GRID1: variants seen among roughly 807,000 people sequenced by gnomAD.
The protein encoded by GRID1 is glutamate receptor ionotropic, delta-1.
In GRID1, 28 loss-of-function variants were observed where a neutral mutation model predicts 98.0. That is an observed-to-expected ratio of 0.29 (90% CI 0.21 to 0.39). The LOEUF is 0.39. Ranked by LOEUF, GRID1 falls within the 10% of genes least tolerant of loss-of-function variation. GRID1 has a pLI of 1.00. For synonymous variants in GRID1, 553 were observed against 538.5 expected (o/e 1.03, Z -0.37); for missense variants, 1,111 against 1,340.5 (o/e 0.83, Z 2.67).
chr10:85,976,468 G>A (rs1481426282), intron 4 of GRID1, among the ~76,000 whole-genome samples: 1 of 152,232 alleles, frequency 6.6e-6, no homozygotes, highest in Non-Finnish European at 1.5e-5. Flanking sequence ...TCCAGAGGAT[G>A]GCACCTCCTT....
At chr10:85,912,143 T>C (rs1841548065) in intron 5 of GRID1, among the ~76,000 whole-genome samples, 1 of 152,256 alleles carries the variant, frequency 6.6e-6, no homozygotes, top group Non-Finnish European at 1.5e-5. Flanking sequence ...GAGCTGAATC[T>C]GGCCATGCCC....
intron 12 of GRID1, among the ~76,000 whole-genome samples, chr10:85,651,602 A>C (rs370638387): frequency 6.6e-6 from 1 of 152,152 alleles, no homozygotes; most frequent in East Asian, 1.9e-4. Context: ...GAGACACCAA[A>C]ACTCCTCTGG....
chr10:85,707,765 A>G (rs1841537185), intron 12 of GRID1, among the ~76,000 whole-genome samples: 1 of 152,198 alleles, frequency 6.6e-6, no homozygotes, highest in African/African-American at 2.4e-5. Context: ...CATATACACC[A>G]TGGAATACTC....
intron 8 of GRID1, among the ~76,000 whole-genome samples, chr10:85,736,001 G>A (rs1841877535): frequency 7.4e-6 from 1 of 134,810 alleles, no homozygotes; most frequent in Non-Finnish European, 1.6e-5. Flanking sequence ...GAGGGAGCAA[G>A]GGAAGGAAGG....
intron 4 of GRID1, among the ~76,000 whole-genome samples, chr10:86,062,194 A>G (rs1465425542): frequency 6.6e-6 from 1 of 152,190 alleles, no homozygotes; most frequent in African/African-American, 2.4e-5. Context: ...GCTCTTATTC[A>G]GAGAATGGCT....
chr10:85,901,232 TTTA>T (rs1379147469), intron 5 of GRID1, among the ~76,000 whole-genome samples: 19 of 111,602 alleles, frequency 1.7e-4, no homozygotes, highest in African/African-American at 5.3e-4. Context: ...TTTTATTTTA[TTTA>T]TTTATTTATT....
At chr10:86,346,993 G>A (rs868673815) in intron 2 of GRID1, among the ~76,000 whole-genome samples, 17 of 152,218 alleles carry the variant, frequency 1.1e-4, no homozygotes, top group Middle Eastern at 3.4e-3. Flanking sequence ...CTGCGTGAAC[G>A]CTGAGCACAG....
intron 2 of GRID1, among the ~76,000 whole-genome samples, chr10:86,238,475 C>T (rs559249944): frequency 9.9e-5 from 15 of 152,068 alleles, no homozygotes; most frequent in African/African-American, 2.4e-4. Context: ...TCCTGCCCCC[C>T]GTCTCTACTA....
chr10:85,767,983 G>A (rs1433035689), intron 8 of GRID1, among the ~76,000 whole-genome samples: 1 of 152,196 alleles, frequency 6.6e-6, no homozygotes, highest in Non-Finnish European at 1.5e-5. Flanking sequence ...AACCACAAAA[G>A]CTTGGAAAGC....
intron 4 of GRID1, among the ~76,000 whole-genome samples, chr10:86,036,818 C>T (rs532173882): frequency 6.6e-6 from 1 of 152,352 alleles, no homozygotes; most frequent in South Asian, 2.1e-4. Context: ...CACCAGCCCA[C>T]GGCTTCTGCA....
chr10:85,658,923 A>G (rs1340803631), intron 12 of GRID1, among the ~76,000 whole-genome samples: 1 of 152,236 alleles, frequency 6.6e-6, no homozygotes, highest in Non-Finnish European at 1.5e-5. Flanking sequence ...AGCACTAAGA[A>G]TAGGATTGCA....
intron 8 of GRID1, among the ~76,000 whole-genome samples, chr10:85,732,266 A>G (rs1265603358): frequency 2.6e-5 from 4 of 152,258 alleles, no homozygotes; most frequent in African/African-American, 7.2e-5. Context: ...GACCATCCCA[A>G]TGGCTCACAG....
At chr10:85,894,825 T>C (rs1038933351) in intron 5 of GRID1, among the ~76,000 whole-genome samples, 5 of 151,676 alleles carry the variant, frequency 3.3e-5, no homozygotes, top group Admixed American at 6.6e-5. Context: ...CTTGCCAGCA[T>C]GGTGAAACCC....
At chr10:85,858,041 A>G (rs1246538213) in intron 6 of GRID1, among the ~76,000 whole-genome samples, 2 of 152,254 alleles carry the variant, frequency 1.3e-5, no homozygotes, top group African/African-American at 4.8e-5. Context: ...ATGCCTGTCC[A>G]GCCCTCAAGG....
intron 8 of GRID1, among the ~76,000 whole-genome samples, chr10:85,836,764 A>G (rs1166132022): frequency 1.3e-5 from 2 of 152,060 alleles, no homozygotes; most frequent in East Asian, 3.9e-4. Context: ...CTTGCACATC[A>G]AACAGGACTG....
intron 10 of GRID1, among the ~76,000 whole-genome samples, chr10:85,727,441 T>A (rs1022789930): frequency 6.6e-6 from 1 of 152,116 alleles, no homozygotes; most frequent in African/African-American, 2.4e-5. Flanking sequence ...CATCAACACA[T>A]AGCAATGTAG....
At chr10:86,065,858 C>A (rs1156589045) in intron 4 of GRID1, among the ~76,000 whole-genome samples, 1 of 152,188 alleles carries the variant, frequency 6.6e-6, no homozygotes, top group East Asian at 1.9e-4. Flanking sequence ...CACTCAAGAT[C>A]CTTCTAGATG....
At chr10:86,301,590 C>T (rs1174693937) in intron 2 of GRID1, among the ~76,000 whole-genome samples, 2 of 152,192 alleles carry the variant, frequency 1.3e-5, no homozygotes, top group Non-Finnish European at 2.9e-5. Flanking sequence ...AGGAACTGTT[C>T]CAACCTTGTA....
intron 2 of GRID1, among the ~76,000 whole-genome samples, chr10:86,309,012 G>A (rs548734843): frequency 1.4e-4 from 21 of 152,236 alleles, no homozygotes; most frequent in Middle Eastern, 3.4e-3. Context: ...ATAGCAGATG[G>A]TTTCTAAAAA....
Sources: gnomAD v4.1 joint callset for allele counts (sites outside exome capture counted in the v4.1 genomes callset) on GRCh38, gnomAD v4.1.1 for gene constraint, MANE v1.5 for transcripts, NCBI Gene and HGNC (gene_info 2026-07-23, HGNC 2026-07-21) for gene names.